Variants in MTHFD1L observed in about 807,000 individuals in gnomAD.
The protein encoded by MTHFD1L is monofunctional C1-tetrahydrofolate synthase, mitochondrial.
Under a neutral mutation model 119.5 loss-of-function variants are expected in MTHFD1L, and 81 were observed. The ratio of observed to expected loss-of-function variants is 0.68; its 90% CI spans 0.57 to 0.82. The LOEUF is 0.82. MTHFD1L is among the 40% of genes least tolerant of loss of function. The pLI is 0.00. For synonymous variants in MTHFD1L, 430 were observed against 475.2 expected (o/e 0.90, Z 1.24); for missense variants, 1,125 against 1,253.4 (o/e 0.90, Z 1.55).
Position 150,926,345 on chromosome 6 carries a change from C to A in MTHFD1L, c.1256+50C>A. ...TGATCAAGCAGACATATTTACAAAA[C>A]TCTTCCCTATTTATCTCTCTCCTCG... On this transcript the variant is annotated intron_variant, in intron 11 of 27. Coordinates refer to ENST00000367321, the MANE Select transcript of MTHFD1L (RefSeq NM_015440.5). This position sits in a 1 kb window ranked among gnomAD's most constrained non-coding sequence, Gnocchi z 4.3. The A allele has an allele frequency of 6.6e-7, 1 of 1,525,050 alleles. No individual in the cohort carries two copies. The highest frequency in any genetic ancestry group is 9.0e-7 in the Non-Finnish European group (1 of 1,111,744). The allele number at this position is 1,525,050 out of a possible 1,614,324, so 94.5% of individuals were successfully genotyped here. A position where few individuals can be genotyped will look rare whatever the true frequency, so the allele number is the denominator to read the frequency against.
chr6:151,004,007 TTAA>T (rs1445639739), intron 20 of MTHFD1L, among the ~76,000 whole-genome samples: 6 of 134,088 alleles, frequency 4.5e-5, no homozygotes, highest in African/African-American at 1.6e-4. Context: ...ATGCTTTTTT[TTAA>T]AAAAAAAAAA....
intron 26 of MTHFD1L, among the ~76,000 whole-genome samples, chr6:151,056,877 C>A (rs143274042): frequency 6.6e-6 from 1 of 152,324 alleles, no homozygotes; most frequent in Non-Finnish European, 1.5e-5. Context: ...AAATGCCAGG[C>A]CTAGCACTTG....
chr6:150,993,604 A>T (rs937221199), intron 20 of MTHFD1L, among the ~76,000 whole-genome samples: 1 of 152,092 alleles, frequency 6.6e-6, no homozygotes, highest in Non-Finnish European at 1.5e-5. Flanking sequence ...GAGCCACCAC[A>T]GCCGGCCTAG....
intron 9 of MTHFD1L, among the ~76,000 whole-genome samples, chr6:150,919,501 A>C (rs1201061530): frequency 6.6e-6 from 1 of 152,176 alleles, no homozygotes; most frequent in African/African-American, 2.4e-5. Context: ...CTGGGATTAC[A>C]GGCATGAGCC....
chr6:151,065,969 G>T (rs1791186698), intron 26 of MTHFD1L, among the ~76,000 whole-genome samples: 1 of 152,186 alleles, frequency 6.6e-6, no homozygotes, highest in South Asian at 2.1e-4. Context: ...TGGAGTCCAT[G>T]AAATACAAAG....
Position 151,043,795 on chromosome 6 carries a change from C to G in MTHFD1L, c.2847+6678C>G, listed in dbSNP as rs183867963. Among the ~76,000 whole-genome samples the G allele has an allele frequency of 1.4e-3, 212 of 152,272 alleles. 1 individual carries two copies. The highest frequency in any genetic ancestry group is 5.2e-3 in the South Asian group (25 of 4,828). On this transcript the variant is annotated intron_variant, in intron 26 of 27. Transcript: ENST00000367321. ...GGGCTGGAATCTAGGGGTTAGACAGCCTGGCCGGTTTTGTAAATTAGATAG... is the reference window on the plus strand; with the variant it reads ...GGGCTGGAATCTAGGGGTTAGACAGGCTGGCCGGTTTTGTAAATTAGATAG...
intron 26 of MTHFD1L, among the ~76,000 whole-genome samples, chr6:151,058,759 C>T (rs1331070647): frequency 6.6e-6 from 1 of 152,192 alleles, no homozygotes; most frequent in Non-Finnish European, 1.5e-5. Flanking sequence ...GTGGTATGGA[C>T]CAAAGGGTTG....
At chr6:150,883,905 C>A (rs933342274) in intron 5 of MTHFD1L, among the ~76,000 whole-genome samples, 8 of 152,118 alleles carry the variant, frequency 5.3e-5, no homozygotes, top group African/African-American at 9.7e-5. Context: ...CCTGCAGGGG[C>A]TGGATGGGGA....
intron 16 of MTHFD1L, among the ~76,000 whole-genome samples, 176 bp downstream of exon 16, chr6:150,949,309 T>C (rs578142457): frequency 6.6e-6 from 1 of 152,260 alleles, no homozygotes; most frequent in Non-Finnish European, 1.5e-5. Context: ...CCCTTATCCT[T>C]GCCTCCAATT....
intron 26 of MTHFD1L, among the ~76,000 whole-genome samples, chr6:151,046,881 G>A (rs1463922098): frequency 2.0e-5 from 3 of 152,100 alleles, no homozygotes; most frequent in Non-Finnish European, 4.4e-5. Flanking sequence ...AAAAAGAGAA[G>A]TTAAACTTTT....
At chr6:151,100,854 T>G (rs1217451649) in intron 27 of MTHFD1L, among the ~76,000 whole-genome samples, 2 of 152,072 alleles carry the variant, frequency 1.3e-5, no homozygotes, top group African/African-American at 4.8e-5. Context: ...GTGACAGTAT[T>G]CCTTATCTAA....
In MTHFD1L at chr6:151,009,893, G is replaced by C; in HGVS notation, c.2200G>C (p.Val734Leu). 1.9e-6 allele frequency: 3 copies of C among 1,613,756 alleles called. No homozygotes were observed. Among genetic ancestry groups the C allele is most frequent in the Non-Finnish European group, 2.5e-6 (3 of 1,179,874 alleles). Residue 734 changes from valine (V) to leucine (L), a missense_variant, in exon 21 of 28, where the codon GTG becomes CTG. Around this residue, in one of 3 missense-constraint regions of MTHFD1L, gnomAD observed 1,058 missense variants for 1,151.2 expected, o/e 0.92. Transcript: ENST00000367321. ...FNIKCRASGL[V>L]PNVVVLVATV... ...CATCAAGTGCCGAGCTTCCGGCTTGGTGCCCAACGTGGTTGTGTTAGTGGC... is the reference window on the plus strand; with the variant it reads ...CATCAAGTGCCGAGCTTCCGGCTTGCTGCCCAACGTGGTTGTGTTAGTGGC...
intron 20 of MTHFD1L, among the ~76,000 whole-genome samples, chr6:150,984,197 G>A (rs1777936966): frequency 6.6e-6 from 1 of 152,150 alleles, no homozygotes; most frequent in Admixed American, 6.5e-5. Context: ...GAGGCAGGTA[G>A]GTCCTGTTTG....
chr6:151,009,636 C>T (rs763252010), intron 20 of MTHFD1L, among the ~76,000 whole-genome samples, 183 bp from the exon 21 acceptor site: 23 of 152,058 alleles, frequency 1.5e-4, no homozygotes, highest in Admixed American at 2.0e-4. Context: ...CAGAGGAGGG[C>T]GCAGTCTCTT....
chr6:151,016,829 A>G lies in MTHFD1L; in HGVS notation c.2586+1136A>G, dbSNP rs532843880. The G allele has an allele frequency of 2.6e-3, 489 of 190,336 alleles. 2 individuals are homozygous for G. Among genetic ancestry groups the G allele is most frequent in the Non-Finnish European group, 3.0e-3 (307 of 101,974 alleles). The allele number at this position is 190,336 out of a possible 1,614,324, so 11.8% of individuals were successfully genotyped here. ...GCTCTGTTGCCCAGGCTGGAGTGCA[A>G]TGGCGTGATCTCGGCTCACTGCAAC... On this transcript the variant is annotated intron_variant, in intron 24 of 27. Coordinates refer to ENST00000367321, the MANE Select transcript of MTHFD1L (RefSeq NM_015440.5).
chr6:151,084,063 C>T (rs1321787746), intron 26 of MTHFD1L, among the ~76,000 whole-genome samples: 1 of 152,206 alleles, frequency 6.6e-6, no homozygotes, highest in Non-Finnish European at 1.5e-5. Context: ...AATTCACTTC[C>T]TCAGAAACCT....
chr6:150,995,830 T>G (rs1464362669), intron 20 of MTHFD1L, among the ~76,000 whole-genome samples: 5 of 147,388 alleles, frequency 3.4e-5, no homozygotes, highest in Non-Finnish European at 5.9e-5. Context: ...TCAGGCTAAT[T>G]TTTTGTATTT....
intron 26 of MTHFD1L, among the ~76,000 whole-genome samples, chr6:151,079,301 C>G (rs1345984846): frequency 6.6e-6 from 1 of 151,888 alleles, no homozygotes; most frequent in Non-Finnish European, 1.5e-5. Context: ...TATTAGAAAT[C>G]CAGTGGGTAA....
At chr6:150,950,903 A>C (rs563643041) in intron 16 of MTHFD1L, among the ~76,000 whole-genome samples, 2 of 152,174 alleles carry the variant, frequency 1.3e-5, no homozygotes, top group East Asian at 1.9e-4. Flanking sequence ...TCCTGACCTC[A>C]AACGATCCGC....
Sources: allele counts gnomAD v4.1 joint callset (sites outside exome capture counted in the v4.1 genomes callset), GRCh38; gene constraint gnomAD v4.1.1; regional missense constraint gnomAD v4.1.1; non-coding constraint Gnocchi (gnomAD v3.1); transcripts MANE v1.5; gene names NCBI Gene and HGNC (gene_info 2026-07-23, HGNC 2026-07-21).